The following OPHN1 variants were observed in gnomAD, a reference collection of about 807,000 sequenced individuals.
The protein encoded by OPHN1 is oligophrenin-1.
OPHN1 carries 11 observed loss-of-function variants against 60.7 expected under a neutral mutation model. That is an observed-to-expected ratio of 0.18 (90% CI 0.11 to 0.30). The LOEUF (loss-of-function observed/expected upper bound fraction) is 0.30. Ranked by LOEUF, OPHN1 falls within the 10% of genes least tolerant of loss-of-function variation. The pLI is 1.00. For missense variants in OPHN1, 449 were observed against 611.0 expected (o/e 0.73, Z 2.80); for synonymous variants, 226 against 222.6 (o/e 1.02, Z -0.14).
chrX:68,256,646 C>T (rs2077865106), intron 5 of OPHN1, among the ~76,000 whole-genome samples: 1 of 111,946 alleles, frequency 8.9e-6, no homozygotes, highest in African/African-American at 3.2e-5. Flanking sequence ...TTTCCAACAG[C>T]ATGTGCTGAC....
intron 21 of OPHN1, among the ~76,000 whole-genome samples, chrX:68,054,160 G>T (rs778709837): frequency 6.4e-5 from 7 of 110,129 alleles, no homozygotes; most frequent in Non-Finnish European, 9.5e-5. Context: ...TGCAGGGCCA[G>T]GTACATAGTA....
At chrX:68,174,295 G>A (rs866164995) in intron 15 of OPHN1, among the ~76,000 whole-genome samples, 1 of 110,685 alleles carries the variant, frequency 9.0e-6, no homozygotes, top group East Asian at 2.9e-4. Context: ...TGTAACAAAA[G>A]AATATGACTG....
chrX:68,400,956 G>A (rs924443745), intron 2 of OPHN1, among the ~76,000 whole-genome samples: 1 of 111,371 alleles, frequency 9.0e-6, no homozygotes, highest in Non-Finnish European at 1.9e-5. Context: ...TACATGGCCA[G>A]AGCAGGGGCA....
Position 68,113,983 on chromosome X carries a change from A to AG in OPHN1, c.1362-745_1362-744insC, listed in dbSNP as rs1555939144. 4.8e-3 allele frequency among the ~76,000 whole-genome samples: 305 copies of AG among 63,728 alleles called. 1 individual carries two copies. Among genetic ancestry groups the AG allele is most frequent in the Middle Eastern group, 7.0e-3 (1 of 142 alleles). The allele number at this position is 63,728 out of a possible 115,157, so 55.3% of individuals were successfully genotyped here. A position where few individuals can be genotyped will look rare whatever the true frequency, so the allele number is the denominator to read the frequency against. The stretch of plus-strand genomic sequence containing the variant: ...GTATAATAATAATAAAAAAAAAAAG[A>AG]AAAAAAAAAACATTGGCTGAGCATT... On this transcript the variant is annotated intron_variant, in intron 16 of 24. Coordinates refer to ENST00000355520, the MANE Select transcript of OPHN1 (RefSeq NM_002547.3).
At position 68,216,208 on chromosome X, in the gene OPHN1, G is replaced by A. The variant is rs776460348; in HGVS notation, c.487-2236C>T. Among the ~76,000 whole-genome samples, 434 of 110,791 alleles carry A rather than the reference G, an allele frequency of 3.9e-3. 3 individuals are homozygous for A. The highest frequency in any genetic ancestry group is 0.014 in the African/African-American group (415 of 30,532). Reference sequence around the variant, plus strand: ...ACAAATGCATATTGCAAGCTCTAAGGCAACCATTAAAAAATGAAAAAGAAG... The same window carrying A: ...ACAAATGCATATTGCAAGCTCTAAGACAACCATTAAAAAATGAAAAAGAAG... On this transcript the variant is annotated intron_variant, in intron 6 of 24. Coordinates refer to ENST00000355520, the MANE Select transcript of OPHN1 (RefSeq NM_002547.3).
At chrX:68,213,763 T>C (rs2077595839) in intron 7 of OPHN1, 99 bp downstream of exon 7, 2 of 555,395 alleles carry the variant, frequency 3.6e-6, no homozygotes, top group African/African-American at 2.3e-5. Flanking sequence ...CTGATTATCC[T>C]TCACGTTCTT....
chrX:68,377,698 G>A (rs1272138637), intron 2 of OPHN1, among the ~76,000 whole-genome samples: 4 of 108,911 alleles, frequency 3.7e-5, no homozygotes, highest in African/African-American at 1.3e-4. Flanking sequence ...TTCTGTTCTT[G>A]CGATAGTTTA....
intron 6 of OPHN1, among the ~76,000 whole-genome samples, chrX:68,231,300 C>T (rs1246388390): frequency 8.9e-6 from 1 of 111,804 alleles, no homozygotes; most frequent in African/African-American, 3.2e-5. Flanking sequence ...TGGTACAACG[C>T]AGAATAGTGA....
rs188878237 is a variant in OPHN1 at position 68,294,327 on chromosome X, C to T, written c.250+4674G>A. On this transcript the variant is annotated intron_variant, in intron 3 of 24. Transcript: ENST00000355520. ...CTCTACTAAAACTACAAAAAATAGC[C>T]GGGCATGTATTTACGCATGCCTGTA... is the stretch of plus-strand genomic sequence containing the variant. Among the ~76,000 whole-genome samples, 571 of 108,171 alleles carry T rather than the reference C, an allele frequency of 5.3e-3. 3 individuals are homozygous for T. Among genetic ancestry groups the T allele is most frequent in the Non-Finnish European group, 8.4e-3 (436 of 52,184 alleles). 93.9% of individuals were successfully genotyped at this position (108,171 alleles called of 115,157 possible).
At position 68,424,287 on chromosome X, in the gene OPHN1, T is replaced by C. The variant is rs559562345; in HGVS notation, c.154+8580A>G. Among the ~76,000 whole-genome samples the C allele has an allele frequency of 1.6e-3, 181 of 112,398 alleles. 1 individual carries two copies. The highest frequency in any genetic ancestry group is 5.5e-3 in the African/African-American group (170 of 31,013). ...AGGGTAATTTGATATTTAACATATG[T>C]TCCAAAAGGGCAGAGTCTATAGTAT... On this transcript the variant is annotated intron_variant, in intron 2 of 24. Coordinates refer to ENST00000355520, the MANE Select transcript of OPHN1 (RefSeq NM_002547.3).
At chrX:68,412,824 C>T (rs1050459108) in intron 2 of OPHN1, among the ~76,000 whole-genome samples, 11 of 111,749 alleles carry the variant, frequency 9.8e-5, no homozygotes, top group Admixed American at 2.9e-4. Context: ...CAGCTATATA[C>T]TTGGGGCCTG....
chrX:68,342,253 G>C (rs1162125223), intron 2 of OPHN1, among the ~76,000 whole-genome samples: 1 of 111,589 alleles, frequency 9.0e-6, no homozygotes, highest in Non-Finnish European at 1.9e-5. Context: ...TTACAGGTGT[G>C]TGCTACCACG....
intron 2 of OPHN1, among the ~76,000 whole-genome samples, chrX:68,302,170 T>G (rs1054949557): frequency 7.1e-5 from 8 of 112,411 alleles, no homozygotes; most frequent in African/African-American, 1.9e-4. Flanking sequence ...TTTTCACCAT[T>G]GTGAATAAAG....
chrX:68,251,517 T>C (rs1289445652), intron 5 of OPHN1, among the ~76,000 whole-genome samples: 2 of 111,277 alleles, frequency 1.8e-5, no homozygotes, highest in Admixed American at 9.6e-5. Context: ...TCTAAAGCAA[T>C]GAAGATTGAG....
At chrX:68,424,724 C>G (rs2078845873) in intron 2 of OPHN1, among the ~76,000 whole-genome samples, 1 of 111,612 alleles carries the variant, frequency 9.0e-6, no homozygotes, top group South Asian at 3.8e-4. Flanking sequence ...CTAAAATCTT[C>G]CCTACCCCAG....
chrX:68,354,595 T>TA (rs1281781463), intron 2 of OPHN1, among the ~76,000 whole-genome samples: 55 of 92,820 alleles, frequency 5.9e-4, no homozygotes, highest in Middle Eastern at 6.5e-3. Context: ...CCGACTCTAC[T>TA]AAAAAAAAAA....
At position 68,263,593 on chromosome X, in the gene OPHN1, T is replaced by C. The variant is rs753615328; in HGVS notation, c.384+11145A>G. Among the ~76,000 whole-genome samples the C allele has an allele frequency of 4.5e-5, 5 of 111,733 alleles. No individual in the cohort carries two copies. The East Asian group carries it at 1.4e-3, about 31-fold the overall frequency. On this transcript the variant is annotated intron_variant, in intron 5 of 24. Coordinates refer to ENST00000355520, the MANE Select transcript of OPHN1 (RefSeq NM_002547.3). ...TTTGCCAGGTACTGTACTAAGAACTTTATATATGTTAACTAATTTAATTAA... is the reference window on the plus strand; with the variant it reads ...TTTGCCAGGTACTGTACTAAGAACTCTATATATGTTAACTAATTTAATTAA...
intron 6 of OPHN1, among the ~76,000 whole-genome samples, chrX:68,229,110 C>A (rs778374253): frequency 1.8e-5 from 2 of 111,303 alleles, no homozygotes; most frequent in South Asian, 7.7e-4. Context: ...CATTCCTATA[C>A]ACCAATAACA....
At chrX:68,071,603 G>T in intron 20 of OPHN1, 1 of 571,468 alleles carries the variant, frequency 1.7e-6, no homozygotes, top group Non-Finnish European at 3.2e-6. Flanking sequence ...CTACTGACTT[G>T]GCTCCATTGT....
Sources: gnomAD v4.1 joint callset for allele counts (sites outside exome capture counted in the v4.1 genomes callset) on GRCh38, gnomAD v4.1.1 for gene constraint, MANE v1.5 for transcripts, NCBI Gene and HGNC (gene_info 2026-07-23, HGNC 2026-07-21) for gene names.